PKHD1: variants seen among roughly 807,000 people sequenced by gnomAD.
PKHD1 encodes PKHD1 ciliary IPT domain containing fibrocystin/polyductin, also known as fibrocystin.
PKHD1 carries 291 observed loss-of-function variants against 412.0 expected under a neutral mutation model. The observed-to-expected ratio is 0.71, with a 90% CI of 0.64 to 0.78. The LOEUF is 0.78. Ranked by LOEUF, PKHD1 falls within the 30% of genes least tolerant of loss-of-function variation. The pLI, the probability that PKHD1 is intolerant of heterozygous loss-of-function variation, is 0.00. For missense variants in PKHD1, 4,825 were observed against 4,950.7 expected, an observed-to-expected ratio of 0.97 and a Z score of 0.76; for synonymous variants, 1,777 against 1,821.5, an observed-to-expected ratio of 0.98 and a Z score of 0.62.
chr6:51,849,842 T>G (rs780254794), intron 49 of PKHD1, among the ~76,000 whole-genome samples: 1 of 152,202 alleles, frequency 6.6e-6, no homozygotes, highest in Non-Finnish European at 1.5e-5. Context: ...ATTCTGTAGG[T>G]TGCTTGTTCA....
chr6:51,820,319 T>C (rs1766184659), intron 52 of PKHD1, among the ~76,000 whole-genome samples: 1 of 152,208 alleles, frequency 6.6e-6, no homozygotes, highest in Admixed American at 6.5e-5. Flanking sequence ...TCAGTCCATC[T>C]AGTCACAAAG....
At position 51,930,992 on chromosome 6, in the gene PKHD1, G is replaced by T. The variant is rs1158774462; in HGVS notation, c.6121+3118C>A. ...AGACAAGAAAATTAATATGTGTTTT[G>T]TGTGCCCAACACTCTGGAACACTTC... On this transcript the variant is annotated intron_variant, in intron 37 of 66. Transcript: ENST00000371117. 2.6e-5 allele frequency among the ~76,000 whole-genome samples: 4 copies of T among 152,172 alleles called. No homozygotes were observed. In the East Asian group the frequency reaches 7.7e-4, roughly 29 times the overall value.
intron 46 of PKHD1, among the ~76,000 whole-genome samples, chr6:51,872,775 T>C (rs1776176771): frequency 6.6e-6 from 1 of 151,984 alleles, no homozygotes; most frequent in South Asian, 2.1e-4. Flanking sequence ...CCTTCAAAAT[T>C]TCAATGCAAA....
At chr6:51,764,995 A>G (rs1233667941) in intron 55 of PKHD1, among the ~76,000 whole-genome samples, 1 of 151,996 alleles carries the variant, frequency 6.6e-6, no homozygotes, top group African/African-American at 2.4e-5. Flanking sequence ...GCTGCTTCCA[A>G]GCCCTAAATT....
At chr6:51,942,260 G>T (rs1049294129) in intron 36 of PKHD1, among the ~76,000 whole-genome samples, 1 of 151,528 alleles carries the variant, frequency 6.6e-6, no homozygotes, top group African/African-American at 2.4e-5. Context: ...GCAGGGCTGT[G>T]CAGTCAGAAT....
intron 35 of PKHD1, among the ~76,000 whole-genome samples, chr6:51,969,333 A>G (rs1337640732): frequency 6.6e-6 from 1 of 152,234 alleles, no homozygotes; most frequent in Non-Finnish European, 1.5e-5. Flanking sequence ...GAATGTAGCC[A>G]TGCTGACACT....
intron 2 of PKHD1, among the ~76,000 whole-genome samples, chr6:52,083,978 A>T (rs1812400715): frequency 6.6e-6 from 1 of 152,090 alleles, no homozygotes; most frequent in African/African-American, 2.4e-5. Flanking sequence ...TTTAAAAAAA[A>T]AAAAGGCAGT....
chr6:51,772,355 T>G (rs1790288590), intron 55 of PKHD1, among the ~76,000 whole-genome samples: 1 of 151,972 alleles, frequency 6.6e-6, no homozygotes, highest in Non-Finnish European at 1.5e-5. Context: ...TATATCTTAA[T>G]GAGGTACCTT....
intron 61 of PKHD1, among the ~76,000 whole-genome samples, chr6:51,656,493 A>G (rs1771876667): frequency 6.6e-6 from 1 of 152,110 alleles, no homozygotes; most frequent in Non-Finnish European, 1.5e-5. Flanking sequence ...AAGTTTTGGA[A>G]GTTGGAAAAC....
intron 52 of PKHD1, among the ~76,000 whole-genome samples, chr6:51,806,223 T>TA (rs777018183): frequency 4.0e-4 from 37 of 92,832 alleles, no homozygotes; most frequent in South Asian, 3.4e-3. Context: ...TAAAGTATAA[T>TA]AAAAAAAAAA....
intron 36 of PKHD1, among the ~76,000 whole-genome samples, chr6:51,952,780 T>C (rs1790549032): frequency 6.6e-6 from 1 of 152,008 alleles, no homozygotes; most frequent in South Asian, 2.1e-4. Context: ...GATGCTAACT[T>C]CTTCATCAGG....
intron 43 of PKHD1, among the ~76,000 whole-genome samples, chr6:51,902,307 AC>A (rs909721970): frequency 2.0e-5 from 3 of 152,178 alleles, no homozygotes; most frequent in Admixed American, 1.3e-4. Flanking sequence ...TAAAATAACA[AC>A]AAAAAAATCC....
At chr6:51,931,434 G>A (rs528552650) in intron 37 of PKHD1, among the ~76,000 whole-genome samples, 7 of 152,246 alleles carry the variant, frequency 4.6e-5, no homozygotes, top group South Asian at 2.1e-4. Context: ...CTCTGGCCCC[G>A]GCAAAAGGCC....
chr6:52,082,015 TTC>T (rs113773508), intron 4 of PKHD1, among the ~76,000 whole-genome samples: 3,772 of 152,282 alleles, frequency 0.025, 46 homozygotes, highest in South Asian at 0.037. Context: ...CAAATTTCTT[TTC>T]TAACCAGTTT....
intron 39 of PKHD1, 85 bp downstream of exon 39, chr6:51,911,714 G>A: frequency 4.2e-6 from 5 of 1,202,832 alleles, no homozygotes; most frequent in Non-Finnish European, 6.2e-6. Flanking sequence ...TTTAAAAGAG[G>A]TCAACCACAG....
At chr6:51,845,322 T>A (rs1410845400) in intron 50 of PKHD1, among the ~76,000 whole-genome samples, 1 of 152,194 alleles carries the variant, frequency 6.6e-6, no homozygotes, top group African/African-American at 2.4e-5. Flanking sequence ...TGAGCCTCAG[T>A]TCCTGCTGAG....
At chr6:51,710,656 T>C (rs1054797525) in intron 60 of PKHD1, among the ~76,000 whole-genome samples, 1 of 152,162 alleles carries the variant, frequency 6.6e-6, no homozygotes, top group South Asian at 2.1e-4. Context: ...ACTAATAATA[T>C]ATTATTTGAA....
At chr6:52,071,420 G>C (rs1443045235) in intron 8 of PKHD1, among the ~76,000 whole-genome samples, 3 of 151,718 alleles carry the variant, frequency 2.0e-5, no homozygotes, top group African/African-American at 4.8e-5. Flanking sequence ...ACAATTCTGA[G>C]CAAACAAAAT....
intron 36 of PKHD1, among the ~76,000 whole-genome samples, chr6:51,942,689 G>A (rs1163942828): frequency 2.0e-5 from 3 of 151,388 alleles, no homozygotes; most frequent in African/African-American, 7.3e-5. Context: ...GATCACACTT[G>A]GTTTATTGAT....
Sources: gnomAD v4.1 joint callset for allele counts (sites outside exome capture counted in the v4.1 genomes callset) on GRCh38, gnomAD v4.1.1 for gene constraint, MANE v1.5 for transcripts, NCBI Gene and HGNC (gene_info 2026-07-23, HGNC 2026-07-21) for gene names.